FGD5: variants seen among roughly 807,000 people sequenced by gnomAD.
FGD5 encodes FYVE, RhoGEF and PH domain containing 5.
A neutral mutation model predicts 133.4 loss-of-function variants in FGD5; 28 were observed. The ratio of observed to expected loss-of-function variants is 0.21; its 90% CI spans 0.16 to 0.29. The LOEUF (loss-of-function observed/expected upper bound fraction) is 0.29, where lower values mean the gene tolerates loss of function less well. Among genes scored for constraint, FGD5 ranks in the 10% least tolerant of loss-of-function variants. FGD5 has a pLI of 1.00. For synonymous variants in FGD5, 810 were observed against 776.5 expected, an observed-to-expected ratio of 1.04 and a Z score of -0.72; for missense variants, 1,858 against 1,895.2, an observed-to-expected ratio of 0.98 and a Z score of 0.36.
At chr3:14,875,823 A>G (rs924987324) in intron 2 of FGD5, among the ~76,000 whole-genome samples, 1 of 151,922 alleles carries the variant, frequency 6.6e-6, no homozygotes, top group Non-Finnish European at 1.5e-5. Flanking sequence ...TCTGAGGAGG[A>G]GGGAGGTCTC....
chr3:14,918,687 A>G (rs1167729809), intron 12 of FGD5, 67 bp from the exon 13 acceptor site: 4 of 1,508,706 alleles, frequency 2.7e-6, no homozygotes, highest in Non-Finnish European at 3.7e-6. Context: ...ATCTGCTGCC[A>G]GGAGAAGCCG....
rs1241430964 is a variant in FGD5, at chr3:14,911,333, T to A, written c.3405+404T>A. Among the ~76,000 whole-genome samples, 3 of 152,300 alleles carry A rather than the reference T, an allele frequency of 2.0e-5. No individual in the cohort carries two copies. In the East Asian group the frequency reaches 5.8e-4, roughly 29 times the overall value. ...TTTCTCTACTGTGCAGGAGACAGGA[T>A]GTAAGATAACATTTTTGCTTATGGA... is the stretch of plus-strand genomic sequence containing the variant. On this transcript the variant is annotated intron_variant, in intron 11 of 19. Coordinates refer to ENST00000285046, the MANE Select transcript of FGD5 (RefSeq NM_152536.4).
chr3:14,925,041 G>A (rs1039815123), intron 17 of FGD5, among the ~76,000 whole-genome samples: 1 of 141,198 alleles, frequency 7.1e-6, no homozygotes, highest in African/African-American at 2.7e-5. Context: ...GGTGAAGGTT[G>A]CAGTGAGCTG....
chr3:14,883,828 A>T (rs918110982), intron 4 of FGD5, among the ~76,000 whole-genome samples: 1 of 152,234 alleles, frequency 6.6e-6, no homozygotes, highest in African/African-American at 2.4e-5. Flanking sequence ...CTGCAGGGGC[A>T]TGAGGGAGGG....
At chr3:14,848,285 A>G (rs1029091030) in intron 1 of FGD5, among the ~76,000 whole-genome samples, 1 of 152,032 alleles carries the variant, frequency 6.6e-6, no homozygotes, top group African/African-American at 2.4e-5. Flanking sequence ...TCTTCCCTCC[A>G]AGACTGCCAC....
intron 4 of FGD5, among the ~76,000 whole-genome samples, chr3:14,881,094 T>C (rs1207742100): frequency 6.6e-6 from 1 of 152,154 alleles, no homozygotes; most frequent in Non-Finnish European, 1.5e-5. Flanking sequence ...GGGATTGCTA[T>C]GTGTGAGTTT....
intron 2 of FGD5, among the ~76,000 whole-genome samples, chr3:14,874,453 A>G (rs748673325): frequency 5.3e-5 from 8 of 152,174 alleles, no homozygotes; most frequent in Non-Finnish European, 8.8e-5. Context: ...CCCAGGTGCC[A>G]TTGCATTCCA....
chr3:14,908,899 T>A (rs2038389724), intron 10 of FGD5, among the ~76,000 whole-genome samples: 1 of 151,676 alleles, frequency 6.6e-6, no homozygotes, highest in African/African-American at 2.4e-5. Context: ...AATAAATAAA[T>A]AAAAATAATA....
intron 4 of FGD5, among the ~76,000 whole-genome samples, chr3:14,887,452 A>C (rs1156915838): frequency 6.6e-6 from 1 of 152,038 alleles, no homozygotes; most frequent in East Asian, 1.9e-4. Context: ...CTGAGGCAGG[A>C]GAATCACTTG....
chr3:14,844,204 TA>T (rs1168327274), intron 1 of FGD5, among the ~76,000 whole-genome samples: 461 of 17,152 alleles, frequency 0.027, 20 homozygotes, highest in East Asian at 0.039. Flanking sequence ...TAATAGGCAT[TA>T]AAAAAAAAAA....
intron 1 of FGD5, among the ~76,000 whole-genome samples, chr3:14,838,179 C>T (rs1261046401): frequency 6.6e-6 from 1 of 152,138 alleles, no homozygotes; most frequent in African/African-American, 2.4e-5. Flanking sequence ...CTGATCTTTG[C>T]CCTGGCTGCA....
At chr3:14,908,407 A>G (rs369017843) in intron 10 of FGD5, among the ~76,000 whole-genome samples, 8 of 152,320 alleles carry the variant, frequency 5.3e-5, no homozygotes, top group African/African-American at 1.7e-4. Context: ...CTCTGTTCTG[A>G]ATGGACTCCT....
In FGD5 at chr3:14,819,782, G is replaced by T; in HGVS notation, c.711G>T (p.Arg237Ser). ...CAGATGAGGGTTCGGGTCCTGACAG[G>T]CCCACGGAGGACATGGGACAGGATG... ...AGADEGSGPD[R>S]PTEDMGQDAE... The change falls in exon 1 of 20, where the codon AGG becomes AGT. Residue 237 changes from arginine to serine, a missense_variant. Around this residue, in one of 3 missense-constraint regions of FGD5, gnomAD observed 1,824 missense variants for 1,848.9 expected, o/e 0.99. Transcript: ENST00000285046. The surrounding 1 kb of genome is among the most constrained non-coding windows in gnomAD (Gnocchi z 4.1). 6.4e-7 allele frequency: 1 copy of T among 1,559,272 alleles called. No homozygotes were observed. Among genetic ancestry groups the T allele is most frequent in the African/African-American group, 1.4e-5 (1 of 73,798 alleles).
At position 14,819,519 on chromosome 3, in the gene FGD5, T is replaced by G; in HGVS notation, c.448T>G (p.Cys150Gly). 6.4e-7 allele frequency: 1 copy of G among 1,551,352 alleles called. No individual in the cohort carries two copies. Among genetic ancestry groups the G allele is most frequent in the South Asian group, 1.2e-5 (1 of 84,028 alleles). Residue 150 changes from cysteine to glycine, a missense_variant, in exon 1 of 20, where the codon TGC becomes GGC. Coordinates refer to ENST00000285046, the MANE Select transcript of FGD5 (RefSeq NM_152536.4). This position sits in a 1 kb window ranked among gnomAD's most constrained non-coding sequence, Gnocchi z 4.1. ...DLALEDEGEG[C>G]ADEPGTLEQV... ...TGCTCTTGAGGATGAAGGGGAGGGC[T>G]GCGCTGATGAGCCAGGGACACTGGA...
intron 1 of FGD5, among the ~76,000 whole-genome samples, chr3:14,833,968 C>G (rs1291417470): frequency 6.6e-6 from 1 of 152,000 alleles, no homozygotes; most frequent in Non-Finnish European, 1.5e-5. Context: ...CTTGGGGTTC[C>G]CTCCCATGCT....
chr3:14,916,062 C>G (rs2038547905), intron 11 of FGD5, among the ~76,000 whole-genome samples: 1 of 152,060 alleles, frequency 6.6e-6, no homozygotes, highest in Non-Finnish European at 1.5e-5. Context: ...GTGTAGAGGA[C>G]TCCCCTGGTT....
intron 1 of FGD5, 109 bp downstream of exon 1, chr3:14,821,705 T>C (rs566072287): frequency 1.4e-6 from 2 of 1,411,736 alleles, no homozygotes; most frequent in Middle Eastern, 2.2e-4. Context: ...CTCTGTTTCT[T>C]ACTAGCTGTG....
intron 11 of FGD5, among the ~76,000 whole-genome samples, chr3:14,913,652 G>T (rs2038494528): frequency 6.6e-6 from 1 of 152,144 alleles, no homozygotes; most frequent in Admixed American, 6.5e-5. Context: ...TTTGCATCTG[G>T]CCACCTCCTC....
At chr3:14,829,817 C>T (rs1405920388) in intron 1 of FGD5, among the ~76,000 whole-genome samples, 2 of 152,164 alleles carry the variant, frequency 1.3e-5, no homozygotes, top group African/African-American at 4.8e-5. Flanking sequence ...CCTTCCTCCT[C>T]CCCACCTGTC....
Sources: allele counts gnomAD v4.1 joint callset (sites outside exome capture counted in the v4.1 genomes callset), GRCh38; gene constraint gnomAD v4.1.1; regional missense constraint gnomAD v4.1.1; non-coding constraint Gnocchi (gnomAD v3.1); transcripts MANE v1.5; gene names NCBI Gene and HGNC (gene_info 2026-07-23, HGNC 2026-07-21).